The following ZFHX3 variants were observed in gnomAD, a reference collection of about 807,000 sequenced individuals.
ZFHX3 encodes zinc finger homeobox protein 3.
A neutral mutation model predicts 279.1 loss-of-function variants in ZFHX3; 42 were observed. That is an observed-to-expected ratio of 0.15 (90% confidence interval 0.12 to 0.19). The LOEUF is 0.19. Among genes scored for constraint, ZFHX3 ranks in the 10% least tolerant of loss-of-function variants. ZFHX3 has a pLI of 1.00. For missense variants in ZFHX3, 4,981 were observed against 4,754.0 expected (o/e 1.05, Z -1.40); for synonymous variants, 2,293 against 1,957.8 (o/e 1.17, Z -4.52).
chr16:73,437,922 C>A (rs549762587), intron 3 of ZFHX3, among the ~76,000 whole-genome samples: 1 of 152,302 alleles, frequency 6.6e-6, no homozygotes, highest in South Asian at 2.1e-4. Context: ...TTCTTATCAT[C>A]ATGCTACTTT....
At position 72,787,867 on chromosome 16, in the gene ZFHX3, C is replaced by T; in HGVS notation, c.10409G>A (p.Cys3470Tyr). The T allele has an allele frequency of 1.2e-6, 2 of 1,613,968 alleles. No homozygotes were observed. The highest frequency in any genetic ancestry group is 2.2e-5 in the East Asian group (1 of 44,866). ...KVQYKLVCRK[C>Y]QAGFSDEEAA... is the part of the protein sequence containing the mutation. ...CTCCTCGTCGCTGAAGCCCGCCTGG[C>T]ACTTGCGGCAGACCAACTTGTACTG... The change falls in exon 10 of 10, where the codon TGC (cysteine) becomes TAC (tyrosine). Residue 3470 changes from cysteine to tyrosine, a missense_variant. This residue lies in a region of ZFHX3 where 1,034 missense variants were observed against 786.0 expected (regional missense o/e 1.32). Coordinates refer to ENST00000268489, the MANE Select transcript of ZFHX3 (RefSeq NM_006885.4).
intron 5 of ZFHX3, among the ~76,000 whole-genome samples, chr16:73,165,685 A>G (rs1439535610): frequency 6.6e-6 from 1 of 152,164 alleles, no homozygotes; most frequent in East Asian, 1.9e-4. Context: ...CCACCAAAGC[A>G]AGAGCCTAGC....
At chr16:73,444,253 C>A (rs1182884824) in intron 3 of ZFHX3, among the ~76,000 whole-genome samples, 1 of 152,230 alleles carries the variant, frequency 6.6e-6, no homozygotes, top group East Asian at 1.9e-4. Context: ...CATGAATATA[C>A]ACAGAGCTCT....
intron 2 of ZFHX3, among the ~76,000 whole-genome samples, chr16:73,662,205 C>T (rs2052792687): frequency 6.6e-6 from 1 of 152,126 alleles, no homozygotes; most frequent in Admixed American, 6.5e-5. Context: ...GTTGTTAAAT[C>T]AACTAGTTAC....
chr16:73,325,989 C>T (rs7191592), intron 3 of ZFHX3, among the ~76,000 whole-genome samples: 32,320 of 150,512 alleles, frequency 0.21, 4,030 homozygotes, highest in African/African-American at 0.34. Flanking sequence ...GAGGCTATAT[C>T]GTGAGAGCCT....
chr16:72,856,343 A>G (rs1180145245), intron 4 of ZFHX3, among the ~76,000 whole-genome samples: 25 of 152,180 alleles, frequency 1.6e-4, no homozygotes, highest in Admixed American at 1.6e-3. Flanking sequence ...AACAGAAGAG[A>G]TTATTCAAAG....
intron 5 of ZFHX3, among the ~76,000 whole-genome samples, chr16:73,220,246 A>G (rs1371952201): frequency 6.6e-6 from 1 of 152,134 alleles, no homozygotes; most frequent in Non-Finnish European, 1.5e-5. Flanking sequence ...TTTGGGTACT[A>G]TGCTTACTAC....
chr16:73,879,249 A>G (rs962268502), intron 1 of ZFHX3, among the ~76,000 whole-genome samples: 3 of 149,930 alleles, frequency 2.0e-5, no homozygotes, highest in African/African-American at 7.3e-5. Context: ...AAATCACAAT[A>G]GGAAAGACTA....
chr16:73,101,633 A>C (rs11075963), intron 7 of ZFHX3, among the ~76,000 whole-genome samples: 57,895 of 151,674 alleles, frequency 0.38, 11,347 homozygotes, highest in East Asian at 0.63. Context: ...AACTCCTGAC[A>C]TCAAGTGATC....
At chr16:73,878,579 A>G (rs1257270340) in intron 1 of ZFHX3, among the ~76,000 whole-genome samples, 1 of 152,088 alleles carries the variant, frequency 6.6e-6, no homozygotes, top group Non-Finnish European at 1.5e-5. Context: ...GATCTAGTCT[A>G]TATTTTTTTC....
intron 7 of ZFHX3, among the ~76,000 whole-genome samples, chr16:73,097,219 C>T (rs553331376): frequency 3.5e-5 from 5 of 144,864 alleles, no homozygotes; most frequent in African/African-American, 1.1e-4. Flanking sequence ...TCACCACACC[C>T]AGCTAATTTT....
At chr16:73,841,064 T>A (rs1961293252) in intron 1 of ZFHX3, among the ~76,000 whole-genome samples, 1 of 152,088 alleles carries the variant, frequency 6.6e-6, no homozygotes, top group Non-Finnish European at 1.5e-5. Flanking sequence ...TGGAGAGGTA[T>A]GTGAAATCAG....
rs553621019 is a variant in ZFHX3, at chr16:72,912,099, CAT to C, written c.3217-22139_3217-22138del. Among the ~76,000 whole-genome samples, 60 of 152,250 alleles carry C rather than the reference CAT, an allele frequency of 3.9e-4. 2 individuals carry two copies. The South Asian group carries it at 9.8e-3, about 25-fold the overall frequency. ...GCAGGAAAGGCTGATTTTCAGCAAA[CAT>C]GTGCCATTGCTGCCTGTACCCAGCA... On this transcript the variant is annotated intron_variant, in intron 3 of 9. Coordinates refer to ENST00000268489, the MANE Select transcript of ZFHX3 (RefSeq NM_006885.4).
intron 2 of ZFHX3, among the ~76,000 whole-genome samples, chr16:73,587,084 A>C (rs1468772386): frequency 6.6e-6 from 1 of 152,210 alleles, no homozygotes; most frequent in Non-Finnish European, 1.5e-5. Flanking sequence ...AGAAAGAGTG[A>C]AATTTTTGCC....
In ZFHX3 at chr16:73,807,620, A is replaced by ATTTTTTTTTTT. The variant is rs55806545; in HGVS notation, c.-1608+84020_-1608+84030dup. 4.0e-3 allele frequency among the ~76,000 whole-genome samples: 280 copies of ATTTTTTTTTTT among 70,556 alleles called. 14 individuals carry two copies. The highest frequency in any genetic ancestry group is 0.015 in the African/African-American group (266 of 18,248). 46.3% of individuals were successfully genotyped at this position (70,556 alleles called of 152,430 possible). Reference sequence around the variant, plus strand: ...TACAGGCACATTCCACCATGCCCCAATTTTTTTTTTTTTTTTTTTTTTTTT... The same window carrying ATTTTTTTTTTT: ...TACAGGCACATTCCACCATGCCCCAATTTTTTTTTTTTTTTTTTTTTTTTTTTTTTTTTTTT... On this transcript the variant is annotated intron_variant, in intron 1 of 17. Coordinates refer to the ZFHX3 transcript ENST00000641206.
intron 1 of ZFHX3, among the ~76,000 whole-genome samples, chr16:73,788,946 G>C (rs571930996): frequency 6.6e-6 from 1 of 151,438 alleles, no homozygotes; most frequent in African/African-American, 2.4e-5. Context: ...CATGGGATCT[G>C]ATTTTGGCAT....
At chr16:72,894,127 C>T (rs570794647) in intron 3 of ZFHX3, among the ~76,000 whole-genome samples, 18 of 142,354 alleles carry the variant, frequency 1.3e-4, no homozygotes, top group South Asian at 4.6e-4. Flanking sequence ...CCAGCCTGGG[C>T]GACAGAGCAA....
chr16:73,868,515 T>C (rs975609830), intron 1 of ZFHX3, among the ~76,000 whole-genome samples: 1 of 152,140 alleles, frequency 6.6e-6, no homozygotes, highest in Non-Finnish European at 1.5e-5. Flanking sequence ...CAGAGCAGGA[T>C]TCCATCTCAA....
rs2016311128 is a variant in ZFHX3, at chr16:73,354,922, T to C, written c.-1290-36586A>G. On this transcript the variant is annotated intron_variant, in intron 3 of 17. Transcript: ENST00000641206. ...AAATCAATTCTGCAAGTTTAGCAAA[T>C]AGTTAATTACTCCACAAAGAGGATT... Among the ~76,000 whole-genome samples the C allele has an allele frequency of 3.3e-5, 5 of 152,178 alleles. No homozygotes were observed. In the South Asian group the frequency reaches 1.0e-3, roughly 32 times the overall value.
Sources: gnomAD v4.1 joint callset for allele counts (sites outside exome capture counted in the v4.1 genomes callset) on GRCh38, gnomAD v4.1.1 for gene constraint, gnomAD v4.1.1 regional missense constraint, MANE v1.5 for transcripts, NCBI Gene and HGNC (gene_info 2026-07-23, HGNC 2026-07-21) for gene names.